AOPEP: variants seen among roughly 807,000 people sequenced by gnomAD.
AOPEP encodes aminopeptidase O.
A neutral mutation model predicts 98.1 loss-of-function variants in AOPEP; 77 were observed. That is an observed-to-expected ratio of 0.78 (90% CI 0.65 to 0.95). The LOEUF (loss-of-function observed/expected upper bound fraction) is 0.95. Among genes scored for constraint, AOPEP ranks in the 40% least tolerant of loss-of-function variants. The pLI is 0.00. For synonymous variants in AOPEP, 346 were observed against 365.3 expected (o/e 0.95, Z 0.60); for missense variants, 1,024 against 1,024.7 (o/e 1.00, Z 0.01).
intron 3 of AOPEP, among the ~76,000 whole-genome samples, chr9:94,780,383 G>A (rs1215955037): frequency 6.6e-6 from 1 of 152,032 alleles, no homozygotes; most frequent in African/African-American, 2.4e-5. Context: ...TCCAGTTGAG[G>A]ACAGAGTAAT....
intron 5 of AOPEP, among the ~76,000 whole-genome samples, chr9:94,815,130 C>T (rs955221515): frequency 1.3e-5 from 2 of 152,104 alleles, no homozygotes. Context: ...CCTGTCATTC[C>T]GAGGCTGGCT....
At chr9:94,979,253 C>T (rs892014453) in intron 10 of AOPEP, 114 bp from the exon 11 acceptor site, 37 of 672,614 alleles carry the variant, frequency 5.5e-5, no homozygotes, top group Admixed American at 3.0e-4. Flanking sequence ...CTGTAAAGCA[C>T]GGGCACTTCT....
At chr9:94,879,365 A>T (rs977410189) in intron 5 of AOPEP, among the ~76,000 whole-genome samples, 2 of 152,246 alleles carry the variant, frequency 1.3e-5, no homozygotes, top group Admixed American at 6.5e-5. Flanking sequence ...TAGAAACAAG[A>T]TGGAGTTGGT....
chr9:94,979,349 G>C lies in AOPEP; in HGVS notation c.1917-18G>C, dbSNP rs767473782. ...GTAACTTTTTAATCCTTTACTTTTT[G>C]TTGTTTTATTTCTAAAGGCTTGAGC... is the stretch of plus-strand genomic sequence containing the variant. On this transcript the variant is annotated intron_variant, in intron 10 of 16. Transcript: ENST00000375315. The C allele has an allele frequency of 2.5e-6, 4 of 1,572,104 alleles. No individual in the cohort carries two copies. The highest frequency in any genetic ancestry group is 3.5e-6 in the Non-Finnish European group (4 of 1,147,866).
chr9:95,021,764 A>C (rs1374227831), intron 13 of AOPEP: 1 of 152,232 alleles, frequency 6.6e-6, no homozygotes, highest in Non-Finnish European at 1.5e-5. Context: ...CTAACTCTTG[A>C]TTCACGGTCT....
chr9:94,781,379 A>G (rs1843208360), intron 3 of AOPEP, among the ~76,000 whole-genome samples: 2 of 152,286 alleles, frequency 1.3e-5, no homozygotes, highest in South Asian at 4.1e-4. Flanking sequence ...TAGTATGTTC[A>G]TGGAAGAAAC....
chr9:95,134,080 G>A, the AOPEP span, among the ~76,000 whole-genome samples: 5 of 152,170 alleles, frequency 3.3e-5, no homozygotes, highest in Admixed American at 6.5e-5. Flanking sequence ...GGTGGGATCC[G>A]TGTGTGCAGC....
At chr9:94,734,000 ATATT>A (rs1311530188) in intron 1 of AOPEP, among the ~76,000 whole-genome samples, 1 of 152,210 alleles carries the variant, frequency 6.6e-6, no homozygotes, top group Admixed American at 6.5e-5. Flanking sequence ...TGTGCGTTCT[ATATT>A]TATTCCCACA....
intron 14 of AOPEP, among the ~76,000 whole-genome samples, chr9:95,076,764 C>T (rs970196279): frequency 2.0e-5 from 3 of 152,044 alleles, no homozygotes; most frequent in African/African-American, 4.8e-5. Flanking sequence ...AAGACCTTAC[C>T]GTATTTTGTA....
rs199910025 is a variant in AOPEP at position 95,064,457 on chromosome 9, A to AT, written c.2232+3653dup. The stretch of plus-strand genomic sequence containing the variant: ...AGGTGCCCACCACCACGCCCAGCCA[A>AT]TTTTTTGTATTTTAATAGAGACGGG... On this transcript the variant is annotated intron_variant, in intron 14 of 16. Coordinates refer to ENST00000375315, the MANE Select transcript of AOPEP (RefSeq NM_001193329.3). 2.0e-3 allele frequency among the ~76,000 whole-genome samples: 299 copies of AT among 152,190 alleles called. 8 individuals are homozygous for AT. The East Asian group carries it at 0.038, about 19-fold the overall frequency.
At chr9:95,089,333 C>T (rs2070834145), downstream of AOPEP, among the ~76,000 whole-genome samples, 2 of 152,246 alleles carry the variant, frequency 1.3e-5, no homozygotes, top group African/African-American at 4.8e-5. Context: ...CTAGAACGCT[C>T]ACTGCCTTAG....
chr9:95,045,897 T>G (rs1390855008), intron 13 of AOPEP, among the ~76,000 whole-genome samples: 2 of 152,096 alleles, frequency 1.3e-5, no homozygotes, highest in Admixed American at 6.5e-5. Context: ...GAGAGTGGTG[T>G]TCGGGGATTT....
chr9:94,868,719 A>G (rs950439699), intron 5 of AOPEP, among the ~76,000 whole-genome samples: 1 of 152,200 alleles, frequency 6.6e-6, no homozygotes, highest in Non-Finnish European at 1.5e-5. Flanking sequence ...ACACAGGCCA[A>G]TGCAGTGGAA....
At chr9:94,909,295 A>G (rs1239803794) in intron 5 of AOPEP, among the ~76,000 whole-genome samples, 1 of 144,112 alleles carries the variant, frequency 6.9e-6, no homozygotes, top group Non-Finnish European at 1.5e-5. Flanking sequence ...TCTTTCCGCC[A>G]GGCTTTTTTC....
intron 1 of AOPEP, among the ~76,000 whole-genome samples, chr9:94,745,849 T>C (rs763465948): frequency 6.6e-6 from 1 of 152,234 alleles, no homozygotes; most frequent in Non-Finnish European, 1.5e-5. Context: ...GGTATGTCTT[T>C]GATATACTAA....
chr9:94,926,698 G>A (rs1024614116), intron 6 of AOPEP, among the ~76,000 whole-genome samples: 1 of 152,030 alleles, frequency 6.6e-6, no homozygotes, highest in East Asian at 1.9e-4. Flanking sequence ...CCCCACCCGG[G>A]AGCAGGGCAT....
intron 5 of AOPEP, among the ~76,000 whole-genome samples, chr9:94,905,623 T>C (rs750236738): frequency 7.9e-5 from 12 of 152,212 alleles, no homozygotes; most frequent in African/African-American, 1.7e-4. Flanking sequence ...GGAGCCCTTA[T>C]TGGAGGTTGC....
chr9:94,879,057 G>A lies in AOPEP; in HGVS notation c.1365-44929G>A, dbSNP rs145089043. On this transcript the variant is annotated intron_variant, in intron 5 of 16. Coordinates refer to ENST00000375315, the MANE Select transcript of AOPEP (RefSeq NM_001193329.3). The stretch of plus-strand genomic sequence containing the variant: ...GGGGACCACAAGATCAGATGAGCCA[G>A]TTTATCAATCTGGGTGGTGACAGCT... Among the ~76,000 whole-genome samples, 451 of 152,336 alleles carry A rather than the reference G, an allele frequency of 3.0e-3. 3 individuals are homozygous for A. Among genetic ancestry groups the A allele is most frequent in the Non-Finnish European group, 5.2e-3 (352 of 68,032 alleles).
chr9:95,086,731 C>G lies in AOPEP; in HGVS notation c.*54C>G. Reference sequence around the variant, plus strand: ...ATTCGTCTCCTCCTAGCCTGGGGGACCAGGCTCGAACTGACCCTGGACATC... The same window carrying G: ...ATTCGTCTCCTCCTAGCCTGGGGGAGCAGGCTCGAACTGACCCTGGACATC... On this transcript the variant is annotated 3_prime_UTR_variant, in exon 17 of 17. Coordinates refer to ENST00000375315, the MANE Select transcript of AOPEP (RefSeq NM_001193329.3). 2 of 988,346 alleles carry G rather than the reference C, an allele frequency of 2.0e-6. No individual in the cohort carries two copies. Among genetic ancestry groups the G allele is most frequent in the Non-Finnish European group, 2.4e-6 (2 of 830,422 alleles). 61.2% of individuals were successfully genotyped at this position (988,346 alleles called of 1,614,324 possible). A position where few individuals can be genotyped will look rare whatever the true frequency, so the allele number is the denominator to read the frequency against.
Sources: allele counts gnomAD v4.1 joint callset (sites outside exome capture counted in the v4.1 genomes callset), GRCh38; gene constraint gnomAD v4.1.1; transcripts MANE v1.5; gene names NCBI Gene and HGNC (gene_info 2026-07-23, HGNC 2026-07-21).